The following PCMTD1 variants were observed in gnomAD, a reference collection of about 807,000 sequenced individuals.
The protein encoded by PCMTD1 is protein-L-isoaspartate O-methyltransferase domain-containing protein 1.
A neutral mutation model predicts 37.6 loss-of-function variants in PCMTD1; 12 were observed. The ratio of observed to expected loss-of-function variants is 0.32; its 90% CI spans 0.20 to 0.52. The LOEUF (loss-of-function observed/expected upper bound fraction) is 0.52. Among genes scored for constraint, PCMTD1 ranks in the 20% least tolerant of loss-of-function variants. The pLI is 0.97. For missense variants in PCMTD1, 235 were observed against 421.3 expected (o/e 0.56, Z 3.87); for synonymous variants, 117 against 135.8 (o/e 0.86, Z 0.96).
chr8:51,839,309 G>A (rs1199957284), intron 3 of PCMTD1: 1 of 250,638 alleles, frequency 4.0e-6, no homozygotes, highest in Non-Finnish European at 6.3e-6. Flanking sequence ...CTCTTAGGCA[G>A]ATAAGGAAAA....
chr8:51,853,141 G>A (rs1033116603), intron 2 of PCMTD1, among the ~76,000 whole-genome samples: 1 of 152,188 alleles, frequency 6.6e-6, no homozygotes, highest in Non-Finnish European at 1.5e-5. Flanking sequence ...CCCAAAAAAG[G>A]ACAAAGTATT....
chr8:51,878,534 C>G (rs2038747741), intron 1 of PCMTD1, among the ~76,000 whole-genome samples: 2 of 151,870 alleles, frequency 1.3e-5, no homozygotes, highest in Admixed American at 1.3e-4. Flanking sequence ...ACTGTTTGAG[C>G]CTAGGAGTTT....
intron 1 of PCMTD1, among the ~76,000 whole-genome samples, chr8:51,895,510 G>A (rs1332982496): frequency 2.0e-5 from 3 of 152,164 alleles, no homozygotes; most frequent in Non-Finnish European, 4.4e-5. Flanking sequence ...AAGACATAAA[G>A]TTGAGTTATT....
At chr8:51,887,131 A>G (rs768167182) in intron 1 of PCMTD1, among the ~76,000 whole-genome samples, 6 of 152,142 alleles carry the variant, frequency 3.9e-5, no homozygotes, top group African/African-American at 9.7e-5. Context: ...AATCCAGGAT[A>G]ATCTTCCTAT....
chr8:51,872,643 T>C (rs1234531109), intron 1 of PCMTD1, among the ~76,000 whole-genome samples: 2 of 152,012 alleles, frequency 1.3e-5, no homozygotes, highest in Non-Finnish European at 2.9e-5. Context: ...GATTTCATAG[T>C]GGGGCTTATT....
chr8:51,885,196 T>C (rs149067781), intron 1 of PCMTD1, among the ~76,000 whole-genome samples: 190 of 152,306 alleles, frequency 1.2e-3, no homozygotes, highest in African/African-American at 4.3e-3. Context: ...CTCCTCAATT[T>C]AACTTAAATT....
At chr8:51,842,556 C>T (rs2038162749) in intron 3 of PCMTD1, among the ~76,000 whole-genome samples, 1 of 151,304 alleles carries the variant, frequency 6.6e-6, no homozygotes, top group Non-Finnish European at 1.5e-5. Context: ...AACTCCTGGA[C>T]TCAAGCAATC....
chr8:51,897,978 G>T lies in PCMTD1; in HGVS notation c.-96+952C>A, dbSNP rs534133010. Among the ~76,000 whole-genome samples the T allele has an allele frequency of 6.9e-4, 105 of 152,100 alleles. 1 individual carries two copies. Among genetic ancestry groups the T allele is most frequent in the Admixed American group, 6.8e-3 (104 of 15,268 alleles). On this transcript the variant is annotated intron_variant, in intron 1 of 5. Coordinates refer to ENST00000522514, the MANE Select transcript of PCMTD1 (RefSeq NM_052937.4). Reference sequence around the variant, plus strand: ...CCTGAATAACTACCCACCACACTTGGAGACTGGCTACCCTGGGTAGTAAGA... The same window carrying T: ...CCTGAATAACTACCCACCACACTTGTAGACTGGCTACCCTGGGTAGTAAGA...
chr8:51,886,743 T>G (rs949203357), intron 1 of PCMTD1, among the ~76,000 whole-genome samples: 3 of 152,232 alleles, frequency 2.0e-5, no homozygotes, highest in Non-Finnish European at 2.9e-5. Flanking sequence ...TATTTACCTG[T>G]ATTAGTTTTC....
chr8:51,885,584 G>A (rs1263702968), intron 1 of PCMTD1, among the ~76,000 whole-genome samples: 1 of 152,110 alleles, frequency 6.6e-6, no homozygotes, highest in Non-Finnish European at 1.5e-5. Flanking sequence ...TAACACACAT[G>A]GGAAATGACA....
At chr8:51,890,568 T>C (rs1376621892) in intron 1 of PCMTD1, among the ~76,000 whole-genome samples, 1 of 152,202 alleles carries the variant, frequency 6.6e-6, no homozygotes, top group African/African-American at 2.4e-5. Context: ...AATAGTTCCT[T>C]CTACTCAAGG....
intron 5 of PCMTD1, chr8:51,827,171 T>G (rs2037932962): frequency 9.5e-7 from 1 of 1,050,664 alleles, no homozygotes; most frequent in East Asian, 8.8e-5. Context: ...TTCAAAACTA[T>G]TTTCATGCTC....
intron 5 of PCMTD1, chr8:51,827,414 T>C (rs1268880492): frequency 1.2e-5 from 7 of 563,506 alleles, no homozygotes; most frequent in South Asian, 4.5e-5. Flanking sequence ...ATGTTTTAAA[T>C]TGTGAGCTGT....
At chr8:51,829,281 G>T (rs575609051) in intron 5 of PCMTD1, among the ~76,000 whole-genome samples, 1 of 152,240 alleles carries the variant, frequency 6.6e-6, no homozygotes, top group East Asian at 1.9e-4. Context: ...AAACATTTAT[G>T]CCACTAACAC....
chr8:51,862,787 G>A (rs1357433498), intron 1 of PCMTD1, among the ~76,000 whole-genome samples: 1 of 152,108 alleles, frequency 6.6e-6, no homozygotes, highest in East Asian at 1.9e-4. Flanking sequence ...AAGAACTTTT[G>A]GAGTAGAGGA....
chr8:51,827,522 T>C (rs1211744472), intron 5 of PCMTD1, among the ~76,000 whole-genome samples: 1 of 152,188 alleles, frequency 6.6e-6, no homozygotes, highest in African/African-American at 2.4e-5. Flanking sequence ...CACCTGTTAG[T>C]AACTTAGCAG....
At chr8:51,864,117 T>A (rs1158940900) in intron 1 of PCMTD1, among the ~76,000 whole-genome samples, 3 of 152,024 alleles carry the variant, frequency 2.0e-5, no homozygotes, top group Non-Finnish European at 4.4e-5. Flanking sequence ...TGACTATACT[T>A]CCATCAGACA....
Position 51,860,886 on chromosome 8 carries a change from C to T in PCMTD1, c.266G>A (p.Ser89Asn). ...QPGLSFLNLGSGTGYLSTMVG... is the reference protein window; with the variant it reads ...QPGLSFLNLGNGTGYLSTMVG... ...CATTGTACTTAAATATCCGGTTCCA[C>T]TTCCCAGGTTAAGAAAAGACAATCC... The change falls in exon 2 of 6, where the codon AGT becomes AAT. Residue 89 changes from serine to asparagine, a missense_variant. Physicochemically the swap from Ser to Asn is conservative, Grantham distance 46. Transcript: ENST00000522514. The T allele has an allele frequency of 6.2e-7, 1 of 1,613,760 alleles. No individual in the cohort carries two copies. The highest frequency in any genetic ancestry group is 1.1e-5 in the South Asian group (1 of 91,050).
At chr8:51,835,588 C>T (rs920577324) in intron 3 of PCMTD1, among the ~76,000 whole-genome samples, 2 of 152,086 alleles carry the variant, frequency 1.3e-5, no homozygotes, top group African/African-American at 4.8e-5. Context: ...AAAAATTTTA[C>T]AGAAATTCAT....
Sources: allele counts gnomAD v4.1 joint callset (sites outside exome capture counted in the v4.1 genomes callset), GRCh38; gene constraint gnomAD v4.1.1; transcripts MANE v1.5; gene names NCBI Gene and HGNC (gene_info 2026-07-23, HGNC 2026-07-21).